DSEL: variants seen among roughly 807,000 people sequenced by gnomAD.
DSEL encodes dermatan sulfate epimerase like.
Under a neutral mutation model 96.6 loss-of-function variants are expected in DSEL, and 61 were observed. The ratio of observed to expected loss-of-function variants is 0.63; its 90% confidence interval spans 0.51 to 0.78. The LOEUF (loss-of-function observed/expected upper bound fraction) is 0.78. Among genes scored for constraint, DSEL ranks in the 30% least tolerant of loss-of-function variants. The pLI, the probability that DSEL is intolerant of heterozygous loss-of-function variation, is 0.00. For synonymous variants in DSEL, 514 were observed against 502.0 expected (o/e 1.02, Z -0.32); for missense variants, 1,320 against 1,430.8 (o/e 0.92, Z 1.25).
At position 67,512,068 on chromosome 18, in the gene DSEL, C is replaced by T. The variant is rs1317140542; in HGVS notation, c.2541G>A (p.Gly847=). 6.2e-7 allele frequency: 1 copy of T among 1,614,114 alleles called. No individual in the cohort carries two copies. The highest frequency in any genetic ancestry group is 2.2e-5 in the East Asian group (1 of 44,888). Residue 847 remains glycine, a synonymous_variant, in exon 2 of 2, where the codon GGG becomes GGA. Transcript: ENST00000310045. Reference sequence around the variant, plus strand: ...CAACATCAGGAAGATCCATGTGGTGCCCTTCAGAAGACAAAGACTTCTTGC... The same window carrying T: ...CAACATCAGGAAGATCCATGTGGTGTCCTTCAGAAGACAAAGACTTCTTGC... ...EGSKKSLSSE[G]HHMDLPDVVI... is the part of the protein sequence containing the mutation.
chr18:67,509,852 T>C lies in DSEL; in HGVS notation c.*1118A>G, dbSNP rs1051548418. 3 of 152,662 alleles carry C rather than the reference T, an allele frequency of 2.0e-5. No homozygotes were observed. The highest frequency in any genetic ancestry group is 1.3e-4 in the Admixed American group (2 of 15,282). 9.5% of individuals were successfully genotyped at this position (152,662 alleles called of 1,614,324 possible). ...TATGACGACTACATTTATAATAAGA[T>C]GCAGATGGTAAAGGAAACAGATGCC... On this transcript the variant is annotated 3_prime_UTR_variant, in exon 2 of 2. Transcript: ENST00000310045.
Position 67,510,230 on chromosome 18 carries a change from AAGG to A in DSEL, c.*737_*739del, listed in dbSNP as rs2089433725. The stretch of plus-strand genomic sequence containing the variant: ...TAGCTCCAGGGAGGATAAAAAGTGA[AAGG>A]AGAGTTTTAAACAGACAATCATGTC... On this transcript the variant is annotated 3_prime_UTR_variant, in exon 2 of 2. Coordinates refer to ENST00000310045, the MANE Select transcript of DSEL (RefSeq NM_032160.3). 1 of 152,192 alleles carries A rather than the reference AAGG, an allele frequency of 6.6e-6. No individual in the cohort carries two copies. The highest frequency in any genetic ancestry group is 1.5e-5 in the Non-Finnish European group (1 of 68,044). 9.4% of individuals were successfully genotyped at this position (152,192 alleles called of 1,614,324 possible).
rs71171183 is a variant in DSEL at position 67,508,731 on chromosome 18, C to CTTTTTTTT, written c.*2231_*2238dup. Reference sequence around the variant, plus strand: ...TGCCAACAGGTACATTTCTTTTTTTCTTTTTTTTTTTTTTTTGAGGCGGAG... The same window carrying CTTTTTTTT: ...TGCCAACAGGTACATTTCTTTTTTTCTTTTTTTTTTTTTTTTTTTTTTTTGAGGCGGAG... On this transcript the variant is annotated 3_prime_UTR_variant, in exon 2 of 2. Transcript: ENST00000310045. The CTTTTTTTT allele has an allele frequency of 2.4e-5, 3 of 126,810 alleles. No individual in the cohort carries two copies. Among genetic ancestry groups the CTTTTTTTT allele is most frequent in the Non-Finnish European group, 4.8e-5 (3 of 62,724 alleles). The allele number at this position is 126,810 out of a possible 1,614,324, so 7.9% of individuals were successfully genotyped here.
chr18:67,514,498 A>G lies in DSEL; in HGVS notation c.111T>C (p.Asp37=), dbSNP rs2089464283. The change falls in exon 2 of 2, where the codon GAT becomes GAC. Residue 37 remains aspartate (D), a synonymous_variant. Coordinates refer to ENST00000310045, the MANE Select transcript of DSEL (RefSeq NM_032160.3). ...SNYSEWAVFT[D]DIDQFKTQKV... Reference sequence around the variant, plus strand: ...TCTGTGTTTTAAACTGATCTATATCATCTGTGAAAACTGCCCATTCGGAAT... The same window carrying G: ...TCTGTGTTTTAAACTGATCTATATCGTCTGTGAAAACTGCCCATTCGGAAT... 1 of 1,614,088 alleles carries G rather than the reference A, an allele frequency of 6.2e-7. No homozygotes were observed. Among genetic ancestry groups the G allele is most frequent in the African/African-American group, 1.3e-5 (1 of 74,942 alleles).
chr18:67,514,239 T>C lies in DSEL; in HGVS notation c.370A>G (p.Asn124Asp), dbSNP rs758014318. ...AAKWNEIYGN[N>D]LPPLALYCLL... is the part of the protein sequence containing the mutation. ...CAGTACAATGCTAAAGGAGGCAGATTGTTACCATAAATTTCATTCCACTTG... is the reference window on the plus strand; with the variant it reads ...CAGTACAATGCTAAAGGAGGCAGATCGTTACCATAAATTTCATTCCACTTG... Residue 124 changes from asparagine (N) to aspartate (D), a missense_variant, in exon 2 of 2, where the codon AAT becomes GAT. Coordinates refer to ENST00000310045, the MANE Select transcript of DSEL (RefSeq NM_032160.3). 1.9e-6 allele frequency: 3 copies of C among 1,614,176 alleles called. No homozygotes were observed. Among genetic ancestry groups the C allele is most frequent in the South Asian group, 2.2e-5 (2 of 91,084 alleles).
Position 67,513,419 on chromosome 18 carries a change from G to A in DSEL, c.1190C>T (p.Thr397Ile). 3 of 1,614,204 alleles carry A rather than the reference G, an allele frequency of 1.9e-6. No individual in the cohort carries two copies. Among genetic ancestry groups the A allele is most frequent in the Non-Finnish European group, 2.5e-6 (3 of 1,180,046 alleles). The change falls in exon 2 of 2, where the codon ACA (threonine) becomes ATA (isoleucine). Residue 397 changes from threonine to isoleucine, a missense_variant. By Grantham distance (89) the Thr-to-Ile change is moderately conservative. Around this residue, in one of 3 missense-constraint regions of DSEL, gnomAD observed 986 missense variants for 1,066.4 expected, o/e 0.92. Coordinates refer to ENST00000310045, the MANE Select transcript of DSEL (RefSeq NM_032160.3). Reference sequence around the variant, plus strand: ...ACCATAATCAGCAGGTGGCTGTGGTGTGAGCTGGGGATCATACCAGATGTA... The same window carrying A: ...ACCATAATCAGCAGGTGGCTGTGGTATGAGCTGGGGATCATACCAGATGTA... ...TEYIWYDPQL[T>I]PQPPADYGTA...
In DSEL at chr18:67,513,802, A is replaced by G; in HGVS notation, c.807T>C (p.Val269=). ...EKTMFLLNHI[V]DGSLDEGVAY... The stretch of plus-strand genomic sequence containing the variant: ...CCACACCTTCATCCAAAGAACCATC[A>G]ACAATATGATTCAATAGAAACATTG... Residue 269 remains valine, a synonymous_variant, in exon 2 of 2, where the codon GTT becomes GTC. Coordinates refer to ENST00000310045, the MANE Select transcript of DSEL (RefSeq NM_032160.3). The G allele has an allele frequency of 1.2e-6, 2 of 1,614,200 alleles. No individual in the cohort carries two copies. Among genetic ancestry groups the G allele is most frequent in the Non-Finnish European group, 1.7e-6 (2 of 1,180,036 alleles).
Position 67,511,625 on chromosome 18 carries a change from TA to T in DSEL, c.2983del (p.Tyr995IlefsTer10). ...ACTGAGCACAGGACGTGCACTTGGA[TA>T]GTAAACCAGGTGTCTCCTCAAAGCC... is the stretch of plus-strand genomic sequence containing the variant. ...IRALRRHLVYYPSARPVLSLS... is the reference protein window; with the variant it reads ...IRALRRHLVYXPSARPVLSLS... On this transcript the variant is annotated frameshift_variant, in exon 2 of 2. Coordinates refer to ENST00000310045, the MANE Select transcript of DSEL (RefSeq NM_032160.3). LOFTEE classifies it high-confidence loss of function. The T allele has an allele frequency of 6.2e-7, 1 of 1,614,202 alleles. No individual in the cohort carries two copies. Among genetic ancestry groups the T allele is most frequent in the Non-Finnish European group, 8.5e-7 (1 of 1,180,044 alleles).
In DSEL at chr18:67,511,599, A is replaced by G; in HGVS notation, c.3010T>C (p.Leu1004=). Residue 1004 remains leucine (L), a synonymous_variant, in exon 2 of 2, where the codon TTA becomes CTA. Coordinates refer to ENST00000310045, the MANE Select transcript of DSEL (RefSeq NM_032160.3). ...YYPSARPVLS[L]SSGSWTLKLH... is the part of the protein sequence containing the mutation. Reference sequence around the variant, plus strand: ...TTTAACGTCCAGCTTCCACTGCTTAAACTGAGCACAGGACGTGCACTTGGA... The same window carrying G: ...TTTAACGTCCAGCTTCCACTGCTTAGACTGAGCACAGGACGTGCACTTGGA... 1.9e-6 allele frequency: 3 copies of G among 1,614,138 alleles called. No homozygotes were observed. The highest frequency in any genetic ancestry group is 2.5e-6 in the Non-Finnish European group (3 of 1,180,028).
In DSEL at chr18:67,512,591, G is replaced by A; in HGVS notation, c.2018C>T (p.Pro673Leu). The change falls in exon 2 of 2, where the codon CCC becomes CTC. Residue 673 changes from proline (P) to leucine (L), a missense_variant. By Grantham distance (98) the Pro-to-Leu change is moderately conservative. Around this residue, in one of 3 missense-constraint regions of DSEL, gnomAD observed 986 missense variants for 1,066.4 expected, o/e 0.92. Transcript: ENST00000310045. The stretch of plus-strand genomic sequence containing the variant: ...GACATATGCAATTCTTGTGATTGTG[G>A]GTTCCATCTGAAAAGTAACATTAAC... ...QFVNVTFQMEPTITRIAYVFY... is the reference protein window; with the variant it reads ...QFVNVTFQMELTITRIAYVFY... The A allele has an allele frequency of 1.2e-6, 2 of 1,614,004 alleles. No homozygotes were observed. Among genetic ancestry groups the A allele is most frequent in the African/African-American group, 1.3e-5 (1 of 75,016 alleles).
rs780461282 is a variant in DSEL, at chr18:67,513,421, G to A, written c.1188C>T (p.Leu396=). The change falls in exon 2 of 2, where the codon CTC becomes CTT. Residue 396 remains leucine (L), a synonymous_variant. Coordinates refer to ENST00000310045, the MANE Select transcript of DSEL (RefSeq NM_032160.3). ...CATAATCAGCAGGTGGCTGTGGTGT[G>A]AGCTGGGGATCATACCAGATGTATT... The part of the protein sequence containing the change: ...HTEYIWYDPQ[L]TPQPPADYGT... The A allele has an allele frequency of 1.9e-6, 3 of 1,614,192 alleles. No individual in the cohort carries two copies. Among genetic ancestry groups the A allele is most frequent in the Non-Finnish European group, 2.5e-6 (3 of 1,180,054 alleles).
rs769404477 is a variant in DSEL, at chr18:67,514,004, AC to A, written c.604del (p.Val202LeufsTer28). 6.2e-7 allele frequency: 1 copy of A among 1,613,986 alleles called. No homozygotes were observed. Among genetic ancestry groups the A allele is most frequent in the African/African-American group, 1.3e-5 (1 of 74,892 alleles). ...ATACTCGTACATTTCCTCAGTAATAACCCATATTTTTTCCAGGTATTTTTGT... is the reference window on the plus strand; with the variant it reads ...ATACTCGTACATTTCCTCAGTAATAACCATATTTTTTCCAGGTATTTTTGT... The part of the protein sequence containing the change: ...RRQKYLEKIW[V>X]ITEEMYEYSK... On this transcript the variant is annotated frameshift_variant, in exon 2 of 2. Transcript: ENST00000310045. LOFTEE classifies it high-confidence loss of function.
rs772632637 is a variant in DSEL, at chr18:67,513,849, C to T, written c.760G>A (p.Val254Ile). 1.7e-5 allele frequency: 27 copies of T among 1,614,180 alleles called. No individual in the cohort carries two copies. In the South Asian group the frequency reaches 2.3e-4, roughly 14 times the overall value. ...GSKANIWKQAVVDVMEKTMFL... is the reference protein window; with the variant it reads ...GSKANIWKQAIVDVMEKTMFL... The stretch of plus-strand genomic sequence containing the variant: ...ATTGTCTTTTCCATGACATCCACTA[C>T]AGCCTGTTTCCATATATTTGCTTTA... Residue 254 changes from valine (V) to isoleucine (I), a missense_variant, in exon 2 of 2, where the codon GTA (valine) becomes ATA (isoleucine). Val to Ile is a conservative substitution (Grantham distance 29, BLOSUM62 3). Coordinates refer to ENST00000310045, the MANE Select transcript of DSEL (RefSeq NM_032160.3).
In DSEL at chr18:67,513,633, T is replaced by C. The variant is rs774809446; in HGVS notation, c.976A>G (p.Thr326Ala). 3 of 1,614,194 alleles carry C rather than the reference T, an allele frequency of 1.9e-6. No individual in the cohort carries two copies. Among genetic ancestry groups the C allele is most frequent in the Non-Finnish European group, 2.5e-6 (3 of 1,180,026 alleles). Residue 326 changes from threonine to alanine, a missense_variant, in exon 2 of 2, where the codon ACT becomes GCT. Physicochemically the swap from Thr to Ala is moderately conservative, Grantham distance 58 (BLOSUM62 0). Coordinates refer to ENST00000310045, the MANE Select transcript of DSEL (RefSeq NM_032160.3). ...TAATTGGAATCTGCTATACCCACAGTTCTTTGGAAGCCAGGTAAAAGGGTG... is the reference window on the plus strand; with the variant it reads ...TAATTGGAATCTGCTATACCCACAGCTCTTTGGAAGCCAGGTAAAAGGGTG... ...YATLLPGFQRTVGIADSNYNW... is the reference protein window; with the variant it reads ...YATLLPGFQRAVGIADSNYNW...
chr18:67,512,005 G>T lies in DSEL; in HGVS notation c.2604C>A (p.Leu868=). Residue 868 remains leucine (L), a synonymous_variant, in exon 2 of 2, where the codon CTC becomes CTA. Coordinates refer to ENST00000310045, the MANE Select transcript of DSEL (RefSeq NM_032160.3). ...CACTACTGTTGAAAAAAAGTTGTTT[G>T]AGAATTTCAGCTCCTGAACCAGGAA... The part of the protein sequence containing the change: ...TSLPGSGAEI[L]KQLFFNSSDF... 1 of 1,614,078 alleles carries T rather than the reference G, an allele frequency of 6.2e-7. No homozygotes were observed. The highest frequency in any genetic ancestry group is 1.6e-4 in the Middle Eastern group (1 of 6,062).
In DSEL at chr18:67,513,005, T is replaced by C. The variant is rs369940696; in HGVS notation, c.1604A>G (p.Asp535Gly). ...GGCAGTGATTATTTCCCCAGCTGCATCACCAACCTCCTCGCCAGTCCACTT... is the reference window on the plus strand; with the variant it reads ...GGCAGTGATTATTTCCCCAGCTGCACCACCAACCTCCTCGCCAGTCCACTT... ...WLKWTGEEVGDAAGEIITASQ... is the reference protein window; with the variant it reads ...WLKWTGEEVGGAAGEIITASQ... Residue 535 changes from aspartate (D) to glycine (G), a missense_variant, in exon 2 of 2, where the codon GAT becomes GGT. Around this residue, in one of 3 missense-constraint regions of DSEL, gnomAD observed 986 missense variants for 1,066.4 expected, o/e 0.92. Coordinates refer to ENST00000310045, the MANE Select transcript of DSEL (RefSeq NM_032160.3). 3 of 1,614,028 alleles carry C rather than the reference T, an allele frequency of 1.9e-6. No homozygotes were observed. Among genetic ancestry groups the C allele is most frequent in the East Asian group, 2.2e-5 (1 of 44,878 alleles).
Position 67,513,621 on chromosome 18 carries a change from CTA to C in DSEL, c.986_987del (p.Ile329SerfsTer6). The C allele has an allele frequency of 6.2e-7, 1 of 1,614,166 alleles. No individual in the cohort carries two copies. Reference protein sequence around the residue: ...LLPGFQRTVGIADSNYNWFYG... With the variant: ...LLPGFQRTVGXADSNYNWFYG... ...TAAAACCAATTATAATTGGAATCTG[CTA>C]TACCCACAGTTCTTTGGAAGCCAGG... On this transcript the variant is annotated frameshift_variant, in exon 2 of 2. Transcript: ENST00000310045. LOFTEE classifies it high-confidence loss of function.
Position 67,514,374 on chromosome 18 carries a change from A to C in DSEL, c.235T>G (p.Ser79Ala), listed in dbSNP as rs1265972961. Residue 79 changes from serine to alanine, a missense_variant, in exon 2 of 2, where the codon TCT becomes GCT. Coordinates refer to ENST00000310045, the MANE Select transcript of DSEL (RefSeq NM_032160.3). ...AAAAGATGCAAATGGCTTGCACGAGACTTTTGTCTCATTGCTTGGATTTCT... is the reference window on the plus strand; with the variant it reads ...AAAAGATGCAAATGGCTTGCACGAGCCTTTTGTCTCATTGCTTGGATTTCT... Reference protein sequence around the residue: ...AGEIQAMRQKSRASHLHLFRA... With the variant: ...AGEIQAMRQKARASHLHLFRA... The C allele has an allele frequency of 6.2e-7, 1 of 1,614,068 alleles. No individual in the cohort carries two copies. Among genetic ancestry groups the C allele is most frequent in the Admixed American group, 1.7e-5 (1 of 60,004 alleles).
At position 67,512,163 on chromosome 18, in the gene DSEL, G is replaced by C. The variant is rs200277299; in HGVS notation, c.2446C>G (p.Leu816Val). 2 of 1,613,992 alleles carry C rather than the reference G, an allele frequency of 1.2e-6. No individual in the cohort carries two copies. The highest frequency in any genetic ancestry group is 1.3e-5 in the African/African-American group (1 of 74,906). The change falls in exon 2 of 2, where the codon CTT becomes GTT. Residue 816 changes from leucine (L) to valine (V), a missense_variant. Leu to Val is a conservative substitution (Grantham distance 32). Coordinates refer to ENST00000310045, the MANE Select transcript of DSEL (RefSeq NM_032160.3). ...CTACAAGTGCTCCACACATCCAAAA[G>C]CTCAATAAACCACAAGGCAATAACA... ...ILVIALWFIE[L>V]LDVWSTCSQP...
Sources: allele counts gnomAD v4.1 joint callset, GRCh38; gene constraint gnomAD v4.1.1; regional missense constraint gnomAD v4.1.1; transcripts MANE v1.5; gene names NCBI Gene and HGNC (gene_info 2026-07-23, HGNC 2026-07-21).